Variants in DOCK3 observed in about 807,000 individuals in gnomAD.
DOCK3 encodes the protein dedicator of cytokinesis 3, also known as dedicator of cytokinesis protein 3.
In DOCK3, 60 loss-of-function variants were observed where a neutral mutation model predicts 265.6. That is an observed-to-expected ratio of 0.23 (90% CI 0.18 to 0.28). The LOEUF is 0.28. Ranked by LOEUF, DOCK3 falls within the 10% of genes least tolerant of loss-of-function variation. The probability of loss-of-function intolerance (pLI) is 1.00; values close to 1 mark genes in which losing one functional copy is unlikely to be tolerated. For missense variants in DOCK3, 1,981 were observed against 2,594.3 expected, an observed-to-expected ratio of 0.76 and a Z score of 5.14; for synonymous variants, 881 against 938.0, an observed-to-expected ratio of 0.94 and a Z score of 1.11.
intron 1 of DOCK3, among the ~76,000 whole-genome samples, chr3:50,765,274 G>A (rs2040805271): frequency 6.6e-6 from 1 of 151,546 alleles, no homozygotes; most frequent in Admixed American, 6.6e-5. Flanking sequence ...AGTAGAGATA[G>A]GGTTTTACCA....
At chr3:51,364,600 G>C (rs1219944137) in intron 49 of DOCK3, among the ~76,000 whole-genome samples, 1 of 152,064 alleles carries the variant, frequency 6.6e-6, no homozygotes, top group Non-Finnish European at 1.5e-5. Flanking sequence ...TTTTCTTCTG[G>C]GGTTTTTATG....
intron 5 of DOCK3, among the ~76,000 whole-genome samples, chr3:50,985,896 G>A (rs2077883085): frequency 6.6e-6 from 1 of 151,882 alleles, no homozygotes; most frequent in Non-Finnish European, 1.5e-5. Context: ...CGACAGCCAT[G>A]TGACCCTCTT....
intron 4 of DOCK3, among the ~76,000 whole-genome samples, chr3:50,901,883 C>T (rs1017637032): frequency 3.9e-5 from 6 of 152,190 alleles, no homozygotes; most frequent in East Asian, 1.9e-4. Context: ...GCATTGATGT[C>T]GCTGGGAGCT....
intron 6 of DOCK3, among the ~76,000 whole-genome samples, chr3:51,068,998 A>T (rs2081734529): frequency 6.6e-6 from 1 of 152,148 alleles, no homozygotes; most frequent in Admixed American, 6.5e-5. Context: ...GGAATTATTT[A>T]TTTGGCCTAA....
chr3:50,839,748 TCTCCCCTCCC>T, intron 2 of DOCK3, among the ~76,000 whole-genome samples: 1 of 47,742 alleles, frequency 2.1e-5, no homozygotes, highest in African/African-American at 8.3e-5. Context: ...CCTCCCCTCC[TCTCCCCTCCC>T]CTCCTCTCTC....
chr3:50,892,784 C>G (rs192379500), intron 4 of DOCK3, among the ~76,000 whole-genome samples: 5 of 152,114 alleles, frequency 3.3e-5, no homozygotes, highest in Admixed American at 3.3e-4. Flanking sequence ...GGAGTGGGAG[C>G]AATATCCCAT....
chr3:50,870,225 C>G (rs1022246899), intron 3 of DOCK3, among the ~76,000 whole-genome samples: 3 of 152,024 alleles, frequency 2.0e-5, no homozygotes, highest in African/African-American at 7.2e-5. Flanking sequence ...ATGTCTCCAG[C>G]TATTATGGTA....
chr3:51,248,586 C>T (rs546313005), intron 22 of DOCK3, among the ~76,000 whole-genome samples: 17 of 152,164 alleles, frequency 1.1e-4, no homozygotes, highest in South Asian at 2.1e-4. Flanking sequence ...CCCAAAGTGC[C>T]GAGATTGCAG....
intron 9 of DOCK3, among the ~76,000 whole-genome samples, chr3:51,137,250 G>T (rs1392459080): frequency 1.3e-5 from 2 of 152,138 alleles, no homozygotes; most frequent in Non-Finnish European, 2.9e-5. Context: ...ACTCTGTTGG[G>T]TCATACAGTG....
intron 2 of DOCK3, among the ~76,000 whole-genome samples, chr3:50,806,198 A>G (rs193020902): frequency 1.0e-3 from 159 of 152,108 alleles, no homozygotes; most frequent in African/African-American, 3.7e-3. Flanking sequence ...TGTGTCTGCC[A>G]GGGGTGGCTC....
intron 9 of DOCK3, among the ~76,000 whole-genome samples, chr3:51,113,681 C>A (rs2083615518): frequency 6.6e-6 from 1 of 152,136 alleles, no homozygotes; most frequent in African/African-American, 2.4e-5. Flanking sequence ...ACCTGTTAAT[C>A]CCTCATACCC....
intron 5 of DOCK3, among the ~76,000 whole-genome samples, chr3:50,982,352 T>TA (rs1412474948): frequency 2.6e-5 from 4 of 152,204 alleles, no homozygotes; most frequent in Admixed American, 1.3e-4. Context: ...TATTTTTGTT[T>TA]ATCACCGCAA....
At chr3:51,340,812 T>C (rs2085187006) in intron 37 of DOCK3, among the ~76,000 whole-genome samples, 2 of 152,178 alleles carry the variant, frequency 1.3e-5, no homozygotes, top group Non-Finnish European at 2.9e-5. Context: ...AGTATCAATT[T>C]AGGTTCCTTT....
intron 4 of DOCK3, among the ~76,000 whole-genome samples, chr3:50,909,819 A>G (rs1430609799): frequency 6.7e-6 from 1 of 149,474 alleles, no homozygotes; most frequent in South Asian, 2.1e-4. Flanking sequence ...ATGTTTTCCA[A>G]CCTAGTTCTG....
intron 22 of DOCK3, among the ~76,000 whole-genome samples, chr3:51,249,638 G>C (rs1463127606): frequency 3.3e-5 from 1 of 30,064 alleles, no homozygotes; most frequent in African/African-American, 1.8e-4. Context: ...CGTCCCGTCC[G>C]GGAGGGAGGT....
At chr3:50,878,025 C>G (rs1359941316) in intron 3 of DOCK3, among the ~76,000 whole-genome samples, 1 of 152,164 alleles carries the variant, frequency 6.6e-6, no homozygotes. Context: ...TGGAGTGGAC[C>G]TCCAGCAAAC....
At chr3:51,267,986 T>G (rs1376758003) in intron 23 of DOCK3, among the ~76,000 whole-genome samples, 1 of 151,888 alleles carries the variant, frequency 6.6e-6, no homozygotes, top group African/African-American at 2.4e-5. Context: ...CACCTGGGCC[T>G]GTTGGGGGTC....
chr3:51,061,412 G>A (rs994255425), intron 5 of DOCK3, among the ~76,000 whole-genome samples: 1 of 152,152 alleles, frequency 6.6e-6, no homozygotes, highest in Non-Finnish European at 1.5e-5. Flanking sequence ...GTCCTTTGTA[G>A]GGACATGGAT....
rs1443694514 is a variant in DOCK3, at chr3:51,280,109, G to A, written c.2827G>A (p.Glu943Lys). 5.0e-6 allele frequency: 8 copies of A among 1,613,412 alleles called. No homozygotes were observed. The highest frequency in any genetic ancestry group is 2.2e-5 in the South Asian group (2 of 91,004). Residue 943 changes from glutamate to lysine, a missense_variant, in exon 27 of 53, where the codon GAG becomes AAG. By Grantham distance (56) the Glu-to-Lys change is moderately conservative (BLOSUM62 1). Transcript: ENST00000266037. ...CPQCTAEITG[E>K]YVSCLLSLLR... The stretch of plus-strand genomic sequence containing the variant: ...GTTTTTTTGGGTTGGTCCCTAGGGC[G>A]AGTATGTGTCCTGCCTTCTCTCACT...
Sources: gnomAD v4.1 joint callset for allele counts (sites outside exome capture counted in the v4.1 genomes callset) on GRCh38, gnomAD v4.1.1 for gene constraint, MANE v1.5 for transcripts, NCBI Gene and HGNC (gene_info 2026-07-23, HGNC 2026-07-21) for gene names.